Variants in ATP9B observed in about 807,000 individuals in gnomAD.
ATP9B encodes probable phospholipid-transporting ATPase IIB.
Under a neutral mutation model 146.1 loss-of-function variants are expected in ATP9B, and 110 were observed. That is an observed-to-expected ratio of 0.75 (90% CI 0.65 to 0.88). The LOEUF is 0.88. Among genes scored for constraint, ATP9B ranks in the 40% least tolerant of loss-of-function variants. The probability of loss-of-function intolerance (pLI) is 0.00; values close to 1 mark genes in which losing one functional copy is unlikely to be tolerated. For synonymous variants in ATP9B, 604 were observed against 569.7 expected, an observed-to-expected ratio of 1.06 and a Z score of -0.86; for missense variants, 1,499 against 1,496.4, an observed-to-expected ratio of 1.00 and a Z score of -0.03.
Position 79,110,384 on chromosome 18 carries a change from GAAGA to G in ATP9B, c.332_335del (p.Lys111SerfsTer2), listed in dbSNP as rs1568195696. On this transcript the variant is annotated frameshift_variant, in exon 3 of 30. Coordinates refer to ENST00000426216, the MANE Select transcript of ATP9B (RefSeq NM_198531.5). LOFTEE classifies it high-confidence loss of function. ...TGTGGTTGGCTGATAAATATTTGTC[GAAGA>G]AAGAAAGAGCTGAAAGCTCGCACAG... is the stretch of plus-strand genomic sequence containing the variant. 1.2e-6 allele frequency: 2 copies of G among 1,604,910 alleles called. No individual in the cohort carries two copies. The highest frequency in any genetic ancestry group is 1.3e-5 in the African/African-American group (1 of 74,678).
chr18:79,098,079 A>G (rs2074953742), intron 2 of ATP9B, among the ~76,000 whole-genome samples: 1 of 143,342 alleles, frequency 7.0e-6, no homozygotes. Flanking sequence ...CTCAGAAATA[A>G]CGCCACATAC....
chr18:79,225,909 G>C (rs28454259), intron 11 of ATP9B, among the ~76,000 whole-genome samples: 26,409 of 33,224 alleles, frequency 0.79, 9,811 homozygotes, highest in African/African-American at 0.84. Flanking sequence ...CGCAGTTGCA[G>C]GGCGGCCACT....
intron 9 of ATP9B, among the ~76,000 whole-genome samples, chr18:79,200,231 C>T (rs763078421): frequency 6.6e-6 from 1 of 152,142 alleles, no homozygotes; most frequent in Non-Finnish European, 1.5e-5. Flanking sequence ...CTCTGTTATA[C>T]TTTGATGGGG....
At chr18:79,327,268 T>C (rs1422762007) in intron 15 of ATP9B, among the ~76,000 whole-genome samples, 1 of 151,888 alleles carries the variant, frequency 6.6e-6, no homozygotes, top group African/African-American at 2.4e-5. Context: ...TCGGAAGAGG[T>C]GGGTGAGAAT....
chr18:79,166,041 GC>G, intron 7 of ATP9B, among the ~76,000 whole-genome samples: 1 of 152,218 alleles, frequency 6.6e-6, no homozygotes, highest in Non-Finnish European at 1.5e-5. Context: ...GGTAGAGCTG[GC>G]TGCTGTCCTG....
At chr18:79,228,183 A>G (rs1328882408) in intron 11 of ATP9B, among the ~76,000 whole-genome samples, 1 of 152,228 alleles carries the variant, frequency 6.6e-6, no homozygotes, top group Non-Finnish European at 1.5e-5. Flanking sequence ...AATTATCATC[A>G]GAATATCTCA....
At chr18:79,190,962 A>G (rs576404217) in intron 8 of ATP9B, among the ~76,000 whole-genome samples, 2 of 152,070 alleles carry the variant, frequency 1.3e-5, no homozygotes, top group African/African-American at 4.8e-5. Flanking sequence ...TGAAGATATG[A>G]GTTTCTGCCT....
intron 22 of ATP9B, 94 bp downstream of exon 22, chr18:79,345,666 T>G: frequency 1.9e-6 from 3 of 1,599,160 alleles, no homozygotes; most frequent in East Asian, 2.2e-5. Flanking sequence ...TAAAACTAGA[T>G]TGATTTCATC....
intron 1 of ATP9B, among the ~76,000 whole-genome samples, chr18:79,090,887 T>G (rs12961762): frequency 3.3e-5 from 5 of 150,906 alleles, no homozygotes; most frequent in Non-Finnish European, 7.4e-5. Context: ...TCCCCCAATA[T>G]TTTCTTGTAA....
chr18:79,311,344 A>G (rs1235121271), intron 15 of ATP9B, among the ~76,000 whole-genome samples: 2 of 152,104 alleles, frequency 1.3e-5, no homozygotes, highest in African/African-American at 4.8e-5. Flanking sequence ...CTCCACCAAT[A>G]TTTTAAGTTT....
In ATP9B at chr18:79,362,290, A is replaced by G. The variant is rs1600389524; in HGVS notation, c.3012+2828A>G. 2.6e-5 allele frequency: 4 copies of G among 152,358 alleles called. No homozygotes were observed. In the South Asian group the frequency reaches 6.2e-4, roughly 24 times the overall value. 9.4% of individuals were successfully genotyped at this position (152,358 alleles called of 1,614,324 possible). On this transcript the variant is annotated intron_variant, in intron 26 of 29. Coordinates refer to ENST00000426216, the MANE Select transcript of ATP9B (RefSeq NM_198531.5). ...CCTAATGAGTTAGCCAACCTCAAGT[A>G]TAAACATTTGTCCCCTGCTGTGTCT...
intron 7 of ATP9B, among the ~76,000 whole-genome samples, chr18:79,170,690 C>A (rs897196233): frequency 1.3e-5 from 2 of 152,128 alleles, no homozygotes; most frequent in African/African-American, 4.8e-5. Context: ...GCTGGAAAGG[C>A]TGGTGTGTGA....
Position 79,266,119 on chromosome 18 carries a change from G to T in ATP9B, c.1269-10935G>T, listed in dbSNP as rs186213978. Among the ~76,000 whole-genome samples, 140 of 152,034 alleles carry T rather than the reference G, an allele frequency of 9.2e-4. 1 individual carries two copies. Among genetic ancestry groups the T allele is most frequent in the African/African-American group, 3.2e-3 (132 of 41,490 alleles). ...CTTGTGTTCTTTAAAGAGTGTTTTAGGTCTTCTTGGCCATGAATATGGTGT... is the reference window on the plus strand; with the variant it reads ...CTTGTGTTCTTTAAAGAGTGTTTTATGTCTTCTTGGCCATGAATATGGTGT... On this transcript the variant is annotated intron_variant, in intron 12 of 29. Coordinates refer to ENST00000426216, the MANE Select transcript of ATP9B (RefSeq NM_198531.5).
At chr18:79,292,531 A>G (rs985689822) in intron 13 of ATP9B, among the ~76,000 whole-genome samples, 2 of 152,190 alleles carry the variant, frequency 1.3e-5, no homozygotes, top group African/African-American at 4.8e-5. Context: ...TGTAATACCT[A>G]CTAAAATCCC....
intron 5 of ATP9B, among the ~76,000 whole-genome samples, chr18:79,133,453 C>T (rs1302593231): frequency 1.3e-5 from 2 of 151,848 alleles, no homozygotes; most frequent in African/African-American, 4.8e-5. Flanking sequence ...TTCTCTGTGG[C>T]TGGACCAAGG....
At chr18:79,334,787 C>G (rs1268239933) in intron 17 of ATP9B, among the ~76,000 whole-genome samples, 1 of 151,572 alleles carries the variant, frequency 6.6e-6, no homozygotes, top group Non-Finnish European at 1.5e-5. Context: ...ACGCCCACCC[C>G]CCCCTTGTGC....
At chr18:79,200,645 G>A (rs1290491040) in intron 9 of ATP9B, among the ~76,000 whole-genome samples, 3 of 3,184 alleles carry the variant, frequency 9.4e-4, no homozygotes, top group African/African-American at 1.4e-3. Flanking sequence ...CTCGGAAATT[G>A]CCAAATATCA....
chr18:79,107,503 A>G (rs2075731858), intron 2 of ATP9B, among the ~76,000 whole-genome samples: 1 of 152,074 alleles, frequency 6.6e-6, no homozygotes, highest in African/African-American at 2.4e-5. Context: ...GTGAAGACCG[A>G]GGCCTCGGGG....
At chr18:79,233,390 A>C (rs2095810408) in intron 11 of ATP9B, among the ~76,000 whole-genome samples, 1 of 152,224 alleles carries the variant, frequency 6.6e-6, no homozygotes, top group Non-Finnish European at 1.5e-5. Flanking sequence ...TTTCCAAGAC[A>C]CTAGACCACA....
Sources: gnomAD v4.1 joint callset for allele counts (sites outside exome capture counted in the v4.1 genomes callset) on GRCh38, gnomAD v4.1.1 for gene constraint, MANE v1.5 for transcripts, NCBI Gene and HGNC (gene_info 2026-07-23, HGNC 2026-07-21) for gene names.